RBFOX3: variants seen among roughly 807,000 people sequenced by gnomAD.
The protein encoded by RBFOX3 is RNA binding fox-1 homolog 3.
A neutral mutation model predicts 48.7 loss-of-function variants in RBFOX3; 17 were observed. The observed-to-expected ratio is 0.35, with a 90% confidence interval of 0.24 to 0.52. The LOEUF is 0.52. Ranked by LOEUF, RBFOX3 falls within the 20% of genes least tolerant of loss-of-function variation. The probability of loss-of-function intolerance (pLI) is 0.94; values close to 1 mark genes in which losing one functional copy is unlikely to be tolerated. For synonymous variants in RBFOX3, 212 were observed against 209.5 expected (o/e 1.01, Z -0.10); for missense variants, 382 against 497.5 (o/e 0.77, Z 2.21).
chr17:79,601,695 A>T (rs889135402), intron 1 of RBFOX3: 11 of 152,204 alleles, frequency 7.2e-5, no homozygotes, highest in Non-Finnish European at 1.0e-4. Flanking sequence ...TCCCAAAGTC[A>T]GTCTCCTTGG....
intron 1 of RBFOX3, among the ~76,000 whole-genome samples, chr17:79,537,821 G>A (rs980993602): frequency 1.3e-5 from 2 of 152,180 alleles, no homozygotes; most frequent in African/African-American, 4.8e-5. Flanking sequence ...CCAGCCCCAG[G>A]TGGTCACTGT....
intron 1 of RBFOX3, among the ~76,000 whole-genome samples, chr17:79,595,727 C>T (rs2145201113): frequency 1.3e-5 from 2 of 152,352 alleles, no homozygotes; most frequent in East Asian, 3.9e-4. Flanking sequence ...ATTCCAAAAA[C>T]CCTCCTAGAG....
At chr17:79,465,086 G>A (rs1309121908) in intron 2 of RBFOX3, among the ~76,000 whole-genome samples, 3 of 152,196 alleles carry the variant, frequency 2.0e-5, no homozygotes, top group Non-Finnish European at 4.4e-5. Flanking sequence ...CAAACCCCGA[G>A]TTAAACCCTC....
At chr17:79,247,700 TC>T (rs1187053007) in intron 3 of RBFOX3, among the ~76,000 whole-genome samples, 2 of 125,426 alleles carry the variant, frequency 1.6e-5, no homozygotes, top group Non-Finnish European at 3.5e-5. Context: ...TGGGGAAAAA[TC>T]ACAGGGTGGG....
chr17:79,094,690 A>C (rs902239033), intron 13 of RBFOX3, among the ~76,000 whole-genome samples, 161 bp from the exon 14 acceptor site: 1 of 148,520 alleles, frequency 6.7e-6, no homozygotes, highest in Non-Finnish European at 1.5e-5. Flanking sequence ...TGCAAGGCCT[A>C]CCCCTCCTTC....
At chr17:79,394,433 C>G (rs766133349) in intron 2 of RBFOX3, among the ~76,000 whole-genome samples, 10 of 152,216 alleles carry the variant, frequency 6.6e-5, no homozygotes, top group African/African-American at 2.2e-4. Context: ...CATCTTACCC[C>G]CTGGAAAACA....
At chr17:79,153,058 C>T (rs1212520914) in intron 4 of RBFOX3, among the ~76,000 whole-genome samples, 1 of 152,208 alleles carries the variant, frequency 6.6e-6, no homozygotes, top group Non-Finnish European at 1.5e-5. Context: ...GCTGGGGCTG[C>T]CCTATTTCCT....
intron 2 of RBFOX3, among the ~76,000 whole-genome samples, chr17:79,457,334 T>C (rs1057046257): frequency 1.2e-4 from 19 of 152,314 alleles, no homozygotes; most frequent in Non-Finnish European, 1.2e-4. Flanking sequence ...ATGTGGTGTG[T>C]GCCATCACTC....
chr17:79,128,656 C>G (rs890214204), intron 4 of RBFOX3, among the ~76,000 whole-genome samples: 4 of 152,166 alleles, frequency 2.6e-5, no homozygotes, highest in Non-Finnish European at 4.4e-5. Context: ...TGGAACACCC[C>G]CAAAAGCCAG....
intron 2 of RBFOX3, among the ~76,000 whole-genome samples, chr17:79,351,614 G>A (rs941967592): frequency 2.0e-5 from 3 of 152,170 alleles, no homozygotes; most frequent in African/African-American, 7.2e-5. Flanking sequence ...TCATGTGCCT[G>A]TTGGCCATTT....
At chr17:79,437,683 C>G (rs1294538839) in intron 2 of RBFOX3, among the ~76,000 whole-genome samples, 1 of 152,220 alleles carries the variant, frequency 6.6e-6, no homozygotes, top group Non-Finnish European at 1.5e-5. Context: ...AGTCAGGAAA[C>G]CCCATTCCCA....
chr17:79,618,005 G>A, the RBFOX3 span, among the ~76,000 whole-genome samples: 1 of 152,196 alleles, frequency 6.6e-6, no homozygotes, highest in Non-Finnish European at 1.5e-5. Context: ...GTGCCCAGTG[G>A]CTTTCAGTTC....
chr17:79,110,546 G>A (rs1033436689), intron 5 of RBFOX3, among the ~76,000 whole-genome samples: 2 of 152,202 alleles, frequency 1.3e-5, no homozygotes, highest in Non-Finnish European at 2.9e-5. Context: ...TCCCTTCCTC[G>A]ACAGCGCCGT....
the RBFOX3 span, among the ~76,000 whole-genome samples, chr17:79,655,238 G>C: frequency 6.6e-6 from 1 of 152,174 alleles, no homozygotes; most frequent in Non-Finnish European, 1.5e-5. Context: ...TAAGTCCGCA[G>C]GGGGAAAAAG....
Position 79,140,073 on chromosome 17 carries a change from A to G in RBFOX3, c.-33-24325T>C, listed in dbSNP as rs867413758. Among the ~76,000 whole-genome samples, 8 of 152,244 alleles carry G rather than the reference A, an allele frequency of 5.3e-5. No individual in the cohort carries two copies. The Middle Eastern group carries it at 0.01, about 194-fold the overall frequency. The stretch of plus-strand genomic sequence containing the variant: ...CACCCCGCCCTGTGGCTTCCCCAAG[A>G]GGGTTCTGGCATCTCCATGGGTAGC... On this transcript the variant is annotated intron_variant, in intron 4 of 14. Transcript: ENST00000693108.
At chr17:79,401,998 C>T (rs932376390) in intron 2 of RBFOX3, among the ~76,000 whole-genome samples, 1 of 152,230 alleles carries the variant, frequency 6.6e-6, no homozygotes, top group African/African-American at 2.4e-5. Flanking sequence ...TCCACGTTAC[C>T]TGCAGAGCAG....
intron 2 of RBFOX3, among the ~76,000 whole-genome samples, chr17:79,442,641 G>A (rs1301067207): frequency 3.3e-5 from 5 of 152,110 alleles, no homozygotes; most frequent in East Asian, 1.9e-4. Context: ...AGTACCTGCC[G>A]TGGGGGCTGC....
At chr17:79,215,303 G>A (rs886717945) in intron 4 of RBFOX3, among the ~76,000 whole-genome samples, 4 of 152,224 alleles carry the variant, frequency 2.6e-5, no homozygotes, top group African/African-American at 9.6e-5. Context: ...GCTCTGGGCT[G>A]CAGCCCCGTC....
intron 2 of RBFOX3, among the ~76,000 whole-genome samples, chr17:79,387,957 T>C (rs2060798356): frequency 6.6e-6 from 1 of 152,048 alleles, no homozygotes; most frequent in African/African-American, 2.4e-5. Flanking sequence ...TGCATGTACA[T>C]GCATGTGTGA....
Sources: allele counts gnomAD v4.1 joint callset (sites outside exome capture counted in the v4.1 genomes callset), GRCh38; gene constraint gnomAD v4.1.1; transcripts MANE v1.5; gene names NCBI Gene and HGNC (gene_info 2026-07-23, HGNC 2026-07-21).